Variants in SYT12 observed in about 807,000 individuals in gnomAD.
SYT12 encodes synaptotagmin-12.
SYT12 carries 27 observed loss-of-function variants against 39.5 expected under a neutral mutation model. The ratio of observed to expected loss-of-function variants is 0.68; its 90% CI spans 0.50 to 0.94. The LOEUF (loss-of-function observed/expected upper bound fraction) is 0.94. Among genes scored for constraint, SYT12 ranks in the 40% least tolerant of loss-of-function variants. SYT12 has a pLI of 0.00. For missense variants in SYT12, 536 were observed against 572.6 expected (o/e 0.94, Z 0.65); for synonymous variants, 233 against 239.7 (o/e 0.97, Z 0.26).
In SYT12 at chr11:67,023,458, C is replaced by G. The variant is rs1950138016; in HGVS notation, c.-26C>G. On this transcript the variant is annotated splice_region_variant and 5_prime_UTR_variant, in exon 1 of 8. Coordinates refer to ENST00000527043, the MANE Select transcript of SYT12 (RefSeq NM_177963.4). ...GGAGCGGCGGCCCCTCCGCGGAGCC[C>G]GGGTGAGTACGCACCCCGCCGACCC... The G allele has an allele frequency of 6.6e-6, 1 of 151,160 alleles. No individual in the cohort carries two copies. Among genetic ancestry groups the G allele is most frequent in the African/African-American group, 2.4e-5 (1 of 41,320 alleles). 9.4% of individuals were successfully genotyped at this position (151,160 alleles called of 1,614,324 possible).
At chr11:67,014,865 G>A (rs1235448309) in intron 3 of SYT12, among the ~76,000 whole-genome samples, 3 of 152,106 alleles carry the variant, frequency 2.0e-5, no homozygotes, top group Non-Finnish European at 4.4e-5. Flanking sequence ...CACTCTCGAC[G>A]CTCCCTGGAG....
intron 3 of SYT12, among the ~76,000 whole-genome samples, 156 bp downstream of exon 3, chr11:67,034,994 A>G (rs909310411): frequency 4.9e-5 from 7 of 143,186 alleles, no homozygotes; most frequent in East Asian, 2.0e-4. Flanking sequence ...CCCCTTTCAC[A>G]TCTTCAACTT....
upstream of SYT12, among the ~76,000 whole-genome samples, chr11:67,022,502 C>G (rs11227651): frequency 0.028 from 4,243 of 152,324 alleles, 187 homozygotes; most frequent in African/African-American, 0.09. Flanking sequence ...GTCCCCTGTT[C>G]CCGGAAGATG....
chr11:67,026,718 A>G (rs1837075901), intron 1 of SYT12: 1 of 151,946 alleles, frequency 6.6e-6, no homozygotes, highest in Admixed American at 6.6e-5. Flanking sequence ...TGGGCTCAAG[A>G]GATCCTCCCA....
At chr11:67,019,137 CG>C (rs1436069344), upstream of SYT12, among the ~76,000 whole-genome samples, 1 of 152,144 alleles carries the variant, frequency 6.6e-6, no homozygotes, top group African/African-American at 2.4e-5. Context: ...TGGTGGCAGA[CG>C]AGAGAAAATG....
Position 67,045,753 on chromosome 11 carries a change from T to A in SYT12, c.968T>A (p.Val323Asp). 1 of 1,613,706 alleles carries A rather than the reference T, an allele frequency of 6.2e-7. No individual in the cohort carries two copies. Among genetic ancestry groups the A allele is most frequent in the Non-Finnish European group, 8.5e-7 (1 of 1,179,908 alleles). Residue 323 changes from valine to aspartate, a missense_variant, in exon 7 of 8, where the codon GTC becomes GAC. By Grantham distance (152) the Val-to-Asp change is radical. Coordinates refer to ENST00000527043, the MANE Select transcript of SYT12 (RefSeq NM_177963.4). Reference sequence around the variant, plus strand: ...GTCCGCCTGCCCACAGACCCCTTCGTCAAGGTGTACCTGCTGCAGGATGGG... The same window carrying A: ...GTCCGCCTGCCCACAGACCCCTTCGACAAGGTGTACCTGCTGCAGGATGGG... The part of the protein sequence containing the change: ...TNDKTTADPF[V>D]KVYLLQDGRK...
At position 67,049,570 on chromosome 11, in the gene SYT12, A is replaced by T. The variant is rs1043174114; in HGVS notation, c.*813A>T. ...GCTCAGTCCTGCGCAAACCAGGCCC[A>T]GACCCTGCAAGCATTTGTTGATGCC... is the stretch of plus-strand genomic sequence containing the variant. On this transcript the variant is annotated 3_prime_UTR_variant, in exon 8 of 8. Coordinates refer to ENST00000527043, the MANE Select transcript of SYT12 (RefSeq NM_177963.4). The T allele has an allele frequency of 6.6e-6, 1 of 152,338 alleles. No individual in the cohort carries two copies. The highest frequency in any genetic ancestry group is 1.5e-5 in the Non-Finnish European group (1 of 68,130). 9.4% of individuals were successfully genotyped at this position (152,338 alleles called of 1,614,324 possible). A position where few individuals can be genotyped will look rare whatever the true frequency, so the allele number is the denominator to read the frequency against.
Position 67,023,819 on chromosome 11 carries a change from C to G in SYT12, c.-24+359C>G, listed in dbSNP as rs1305758389. Among the ~76,000 whole-genome samples, 4 of 152,384 alleles carry G rather than the reference C, an allele frequency of 2.6e-5. No individual in the cohort carries two copies. In the East Asian group the frequency reaches 7.7e-4, roughly 29 times the overall value. ...TGTCCCTGCTCTGGCTTCGCACCCCCTCCCGACACTCCGGTCCCCATACAC... is the reference window on the plus strand; with the variant it reads ...TGTCCCTGCTCTGGCTTCGCACCCCGTCCCGACACTCCGGTCCCCATACAC... On this transcript the variant is annotated intron_variant, in intron 1 of 7. Coordinates refer to ENST00000527043, the MANE Select transcript of SYT12 (RefSeq NM_177963.4).
chr11:67,032,467 G>T (rs1950287723), intron 2 of SYT12: 1 of 152,270 alleles, frequency 6.6e-6, no homozygotes, highest in Non-Finnish European at 1.5e-5. Flanking sequence ...TTTCCAAACG[G>T]AGTATGAAGC....
At chr11:67,030,375 C>T (rs1950243274) in intron 2 of SYT12, 197 bp downstream of exon 2, 1 of 553,102 alleles carries the variant, frequency 1.8e-6, no homozygotes, top group Non-Finnish European at 3.2e-6. Context: ...GAGGTCTCCT[C>T]ATCTTGCCAC....
At chr11:67,038,563 C>T (rs1307176396) in intron 3 of SYT12, among the ~76,000 whole-genome samples, 1 of 152,208 alleles carries the variant, frequency 6.6e-6, no homozygotes, top group Non-Finnish European at 1.5e-5. Context: ...TCTTGAGTAG[C>T]TGGCTTCTGG....
In SYT12 at chr11:67,039,886, G is replaced by A. The variant is rs1428454365; in HGVS notation, c.304G>A (p.Asp102Asn). Reference protein sequence around the residue: ...PSRKGSLSIEDTFESISELGP... With the variant: ...PSRKGSLSIENTFESISELGP... ...CCGCAAAGGCAGTCTCAGCATTGAG[G>A]ACACCTTTGAGAGCATCAGTGAACT... Residue 102 changes from aspartate to asparagine, a missense_variant, in exon 4 of 8, where the codon GAC becomes AAC. Asp to Asn is a conservative substitution (Grantham distance 23). Transcript: ENST00000527043. 3.1e-6 allele frequency: 5 copies of A among 1,613,694 alleles called. No individual in the cohort carries two copies. The Admixed American group carries it at 5.0e-5, about 16-fold the overall frequency.
At chr11:67,043,888 G>A (rs780046605) in intron 5 of SYT12, 35 bp downstream of exon 5, 3 of 1,596,110 alleles carry the variant, frequency 1.9e-6, no homozygotes, top group Admixed American at 1.7e-5. Context: ...CCTCGGAAGA[G>A]CGTGCACACA....
intron 3 of SYT12, among the ~76,000 whole-genome samples, chr11:67,036,705 G>T (rs1298304407): frequency 6.6e-6 from 1 of 152,112 alleles, no homozygotes; most frequent in Non-Finnish European, 1.5e-5. Flanking sequence ...GGAGGCCGAG[G>T]CGGGCAGATC....
intron 1 of SYT12, chr11:67,028,873 T>G (rs1950217330): frequency 6.6e-6 from 1 of 152,250 alleles, no homozygotes; most frequent in Admixed American, 6.5e-5. Flanking sequence ...CAGCTGCCCT[T>G]GGGCCAGGCC....
At chr11:67,033,890 G>A (rs971630414) in intron 2 of SYT12, among the ~76,000 whole-genome samples, 25 of 152,280 alleles carry the variant, frequency 1.6e-4, no homozygotes, top group Admixed American at 1.1e-3. Flanking sequence ...AGTTGAGGAG[G>A]TTGTTAATTT....
intron 2 of SYT12, chr11:67,010,725 G>A (rs1464562502): frequency 6.6e-6 from 1 of 152,380 alleles, no homozygotes; most frequent in Non-Finnish European, 1.5e-5. Context: ...GCCTGGGGAG[G>A]GGTCAGGAGA....
At chr11:67,012,628 C>T (rs1017011429) in intron 3 of SYT12, among the ~76,000 whole-genome samples, 2 of 152,132 alleles carry the variant, frequency 1.3e-5, no homozygotes, top group African/African-American at 2.4e-5. Flanking sequence ...AGCAGGGAAA[C>T]GAGGCAAAAG....
intron 6 of SYT12, 31 bp downstream of exon 6, chr11:67,044,744 A>G (rs1295864359): frequency 6.2e-7 from 1 of 1,611,704 alleles, no homozygotes; most frequent in South Asian, 1.1e-5. Flanking sequence ...CGGCTCCTCC[A>G]CGTAGCTCAG....
Sources: allele counts gnomAD v4.1 joint callset (sites outside exome capture counted in the v4.1 genomes callset), GRCh38; gene constraint gnomAD v4.1.1; transcripts MANE v1.5; gene names NCBI Gene and HGNC (gene_info 2026-07-23, HGNC 2026-07-21).